The following SAMMSON variants were observed in gnomAD, a reference collection of about 807,000 sequenced individuals.
The protein encoded by SAMMSON is long intergenic non-protein coding RNA 1212.
chr3:70,343,587 A>C (rs983531058), intron 7 of SAMMSON, among the ~76,000 whole-genome samples: 3 of 152,120 alleles, frequency 2.0e-5, no homozygotes, highest in Non-Finnish European at 2.9e-5. Flanking sequence ...AAGGGTATAT[A>C]CTTGTAGTAT....
chr3:70,178,589 T>A (rs1250370407), intron 4 of SAMMSON, among the ~76,000 whole-genome samples: 1 of 152,224 alleles, frequency 6.6e-6, no homozygotes. Flanking sequence ...AGGAGGCATT[T>A]GCTGGGAGTT....
At chr3:70,191,885 T>TA (rs11407511) in intron 4 of SAMMSON, among the ~76,000 whole-genome samples, 76,876 of 134,796 alleles carry the variant, frequency 0.57, 21,102 homozygotes, top group Non-Finnish European at 0.61. Context: ...ACTCTTTCCC[T>TA]AAAAAAAAAA....
chr3:70,191,577 G>C (rs562593120), intron 4 of SAMMSON, among the ~76,000 whole-genome samples: 2 of 152,268 alleles, frequency 1.3e-5, no homozygotes, highest in Admixed American at 1.3e-4. Context: ...TACTTATTGG[G>C]TACGTATCTT....
At chr3:70,238,304 C>T (rs1013015248) in intron 4 of SAMMSON, among the ~76,000 whole-genome samples, 1 of 151,782 alleles carries the variant, frequency 6.6e-6, no homozygotes, top group Non-Finnish European at 1.5e-5. Flanking sequence ...ATTTTTCTGC[C>T]ATGTGTAAAA....
In SAMMSON at chr3:70,216,287, A is replaced by T. The variant is rs1559537183; in HGVS notation, n.508-32820A>T. Among the ~76,000 whole-genome samples the T allele has an allele frequency of 1.2e-4, 18 of 150,376 alleles. No individual in the cohort carries two copies. The South Asian group carries it at 3.7e-3, about 31-fold the overall frequency. On this transcript the variant is annotated intron_variant and non_coding_transcript_variant, in intron 4 of 9. Transcript: ENST00000642114. ...ATAACAAATATACTATTCTAATTAG[A>T]TATCTGATTAATACTACATATTCTA...
At chr3:70,196,920 A>G (rs544957730) in intron 4 of SAMMSON, 1 of 398,464 alleles carries the variant, frequency 2.5e-6, no homozygotes, top group South Asian at 1.3e-4. Context: ...TGGTTACTTC[A>G]CTGTGCTAGC....
At chr3:70,125,542 A>T in intron 4 of SAMMSON, 1 of 696,648 alleles carries the variant, frequency 1.4e-6, no homozygotes, top group East Asian at 2.7e-5. Flanking sequence ...CAAATCCTAT[A>T]CTGGATGCAT....
chr3:70,092,018 T>C (rs1309872168), intron 4 of SAMMSON, among the ~76,000 whole-genome samples: 1 of 152,160 alleles, frequency 6.6e-6, no homozygotes, highest in African/African-American at 2.4e-5. Flanking sequence ...TCATTGAACC[T>C]GAAACCACTA....
intron 8 of SAMMSON, among the ~76,000 whole-genome samples, chr3:70,356,104 G>A (rs899450039): frequency 2.0e-5 from 3 of 151,966 alleles, no homozygotes; most frequent in African/African-American, 7.3e-5. Flanking sequence ...CTGATCTAAC[G>A]GTAATGACTC....
At chr3:70,200,651 CTAAT>C (rs1189707283) in intron 4 of SAMMSON, among the ~76,000 whole-genome samples, 3 of 152,272 alleles carry the variant, frequency 2.0e-5, no homozygotes, top group Non-Finnish European at 2.9e-5. Context: ...TGGCATGAAA[CTAAT>C]TAGTTTGTTA....
chr3:70,161,032 C>G (rs545903889), intron 4 of SAMMSON, among the ~76,000 whole-genome samples: 33 of 151,954 alleles, frequency 2.2e-4, no homozygotes, highest in Non-Finnish European at 4.3e-4. Context: ...ATCCTGTGAC[C>G]TTGCTGTACT....
intron 4 of SAMMSON, among the ~76,000 whole-genome samples, chr3:70,190,502 G>A (rs2106711334): frequency 6.6e-6 from 1 of 152,268 alleles, no homozygotes; most frequent in Middle Eastern, 3.4e-3. Context: ...CTGAAGTTGG[G>A]CAGTAGCCTC....
intron 9 of SAMMSON, among the ~76,000 whole-genome samples, chr3:70,379,879 AT>A (rs772894341): frequency 1.3e-5 from 2 of 152,228 alleles, no homozygotes; most frequent in Non-Finnish European, 2.9e-5. Context: ...GTTTATAAAA[AT>A]AAACGCTAAG....
At chr3:70,336,087 A>G (rs1220255858) in intron 7 of SAMMSON, among the ~76,000 whole-genome samples, 1 of 152,046 alleles carries the variant, frequency 6.6e-6, no homozygotes, top group Admixed American at 6.6e-5. Flanking sequence ...TCAAATTTAT[A>G]TTTTAAAGAA....
intron 9 of SAMMSON, among the ~76,000 whole-genome samples, chr3:70,360,989 A>G (rs1473589104): frequency 6.6e-6 from 1 of 152,136 alleles, no homozygotes; most frequent in Non-Finnish European, 1.5e-5. Flanking sequence ...GCATTCTACC[A>G]TTTAATTTTT....
intron 4 of SAMMSON, among the ~76,000 whole-genome samples, chr3:70,085,289 G>A (rs2067281289): frequency 6.6e-6 from 1 of 152,174 alleles, no homozygotes; most frequent in Non-Finnish European, 1.5e-5. Flanking sequence ...GTTGGTAAGG[G>A]CTGACTCACT....
chr3:70,217,972 G>A (rs547432135), intron 4 of SAMMSON, among the ~76,000 whole-genome samples: 71 of 152,254 alleles, frequency 4.7e-4, no homozygotes, highest in Non-Finnish European at 9.0e-4. Context: ...CAGAAATCAA[G>A]CCACATTTTT....
intron 7 of SAMMSON, among the ~76,000 whole-genome samples, chr3:70,307,196 T>G (rs6800927): frequency 0.47 from 70,803 of 151,814 alleles, 17,097 homozygotes; most frequent in East Asian, 0.82. Context: ...TGTTGTTGTT[T>G]TGGTGGTGGT....
At position 70,012,428 on chromosome 3, in the gene SAMMSON, A is replaced by G. The variant is rs77097548; in HGVS notation, n.94A>G. On this transcript the variant is annotated non_coding_transcript_exon_variant, in exon 2 of 10. Coordinates refer to ENST00000642114, the Ensembl canonical transcript of SAMMSON. ...CCATGAGGGTCAGAGTCAAAGGAAGACTTGAAGATACTACACTGCGGACTT... is the reference window on the plus strand; with the variant it reads ...CCATGAGGGTCAGAGTCAAAGGAAGGCTTGAAGATACTACACTGCGGACTT... 1.2e-3 allele frequency: 190 copies of G among 152,120 alleles called. 2 individuals carry two copies. Among genetic ancestry groups the G allele is most frequent in the African/African-American group, 4.4e-3 (184 of 41,474 alleles). The allele number at this position is 152,120 out of a possible 1,614,324, so 9.4% of individuals were successfully genotyped here.
Sources: allele counts gnomAD v4.1 joint callset (sites outside exome capture counted in the v4.1 genomes callset), GRCh38; gene constraint gnomAD v4.1.1; transcripts MANE v1.5; gene names NCBI Gene and HGNC (gene_info 2026-07-23, HGNC 2026-07-21).